TNRC18: variants seen among roughly 807,000 people sequenced by gnomAD.
TNRC18 encodes trinucleotide repeat-containing gene 18 protein.
TNRC18 carries 69 observed loss-of-function variants against 226.7 expected under a neutral mutation model. The ratio of observed to expected loss-of-function variants is 0.30; its 90% confidence interval spans 0.25 to 0.37. TNRC18 has a LOEUF of 0.37. Ranked by LOEUF, TNRC18 falls within the 10% of genes least tolerant of loss-of-function variation. TNRC18 has a pLI of 1.00. For missense variants in TNRC18, 4,754 were observed against 4,256.6 expected (o/e 1.12, Z -3.25); for synonymous variants, 2,449 against 1,927.6 (o/e 1.27, Z -7.09).
Position 5,377,738 on chromosome 7 carries a change from G to A in TNRC18, c.2256-162C>T, listed in dbSNP as rs1471575763. 2.0e-5 allele frequency among the ~76,000 whole-genome samples: 3 copies of A among 152,130 alleles called. No homozygotes were observed. The highest frequency in any genetic ancestry group is 4.4e-5 in the Non-Finnish European group (3 of 68,000). On this transcript the variant is annotated intron_variant, in intron 6 of 29. Coordinates refer to ENST00000430969, the MANE Select transcript of TNRC18 (RefSeq NM_001080495.3). This position sits in a 1 kb window ranked among gnomAD's most constrained non-coding sequence, Gnocchi z 5.8. ...CCGGGGCCTTCCACACTCACTGTAG[G>A]GGCAGTGGGGCCACCTGGCCTGGGC...
intron 11 of TNRC18, among the ~76,000 whole-genome samples, chr7:5,363,095 A>ACC (rs1793240165): frequency 2.0e-5 from 3 of 149,134 alleles, no homozygotes; most frequent in African/African-American, 7.5e-5. Context: ...GGAGTTCAAG[A>ACC]CCAGCCTAGC....
intron 2 of TNRC18, among the ~76,000 whole-genome samples, chr7:5,415,577 C>T (rs185065078): frequency 5.4e-4 from 81 of 151,252 alleles, no homozygotes; most frequent in African/African-American, 1.8e-3. Flanking sequence ...GATGCTGTTT[C>T]GCCATGTTGG....
intron 2 of TNRC18, among the ~76,000 whole-genome samples, chr7:5,412,541 A>AC (rs1352084531): frequency 6.6e-6 from 1 of 152,104 alleles, no homozygotes; most frequent in Non-Finnish European, 1.5e-5. Flanking sequence ...GCGCCACCGC[A>AC]CCCCAGCCTG....
intron 3 of TNRC18, among the ~76,000 whole-genome samples, chr7:5,391,794 T>G (rs1342821402): frequency 2.7e-5 from 4 of 147,226 alleles, no homozygotes; most frequent in African/African-American, 7.5e-5. Flanking sequence ...CCCAGGAGTT[T>G]GAGACCAGCC....
chr7:5,344,682 G>A (rs991879138), intron 18 of TNRC18, among the ~76,000 whole-genome samples: 3 of 152,164 alleles, frequency 2.0e-5, no homozygotes, highest in South Asian at 2.1e-4. Flanking sequence ...GCTCAGAAAA[G>A]GATGCCGGGG....
intron 11 of TNRC18, among the ~76,000 whole-genome samples, chr7:5,363,274 G>T (rs530445098): frequency 7.3e-5 from 11 of 151,530 alleles, no homozygotes; most frequent in Non-Finnish European, 1.2e-4. Context: ...CCGCATGCCA[G>T]CCTGAGCAAC....
intron 2 of TNRC18, among the ~76,000 whole-genome samples, chr7:5,418,593 C>T (rs1411448505): frequency 6.6e-6 from 1 of 152,196 alleles, no homozygotes. Context: ...ATGTGCCTCT[C>T]CCTAGCTGGG....
At chr7:5,381,981 A>T (rs1289462942) in intron 5 of TNRC18, among the ~76,000 whole-genome samples, 1 of 152,094 alleles carries the variant, frequency 6.6e-6, no homozygotes, top group East Asian at 1.9e-4. Context: ...TAAATTAATT[A>T]ATTAAATAAT....
chr7:5,346,487 A>T (rs1791212164), intron 17 of TNRC18, among the ~76,000 whole-genome samples: 1 of 152,010 alleles, frequency 6.6e-6, no homozygotes, highest in Non-Finnish European at 1.5e-5. Flanking sequence ...CAAGAGTGAG[A>T]CTCAGTCTCA....
chr7:5,348,643 G>A (rs1791456091), intron 17 of TNRC18, among the ~76,000 whole-genome samples: 1 of 141,226 alleles, frequency 7.1e-6, no homozygotes. Flanking sequence ...GTCCGCAGAG[G>A]AGTAGAGGGA....
chr7:5,376,289 G>C, intron 8 of TNRC18, 65 bp from the exon 9 acceptor site: 1 of 1,341,860 alleles, frequency 7.5e-7, no homozygotes, highest in South Asian at 1.5e-5. Flanking sequence ...CCCATTACGA[G>C]GGGAAGCTGA....
At chr7:5,330,052 C>G in intron 19 of TNRC18, 1 of 468,946 alleles carries the variant, frequency 2.1e-6, no homozygotes, top group Non-Finnish European at 4.4e-6. Flanking sequence ...ATCCCAAGAA[C>G]AGACACTGTT....
intron 18 of TNRC18, among the ~76,000 whole-genome samples, chr7:5,334,461 ATT>A (rs10706914): frequency 0.026 from 3,677 of 140,208 alleles, 63 homozygotes; most frequent in African/African-American, 0.05. Flanking sequence ...CACGCCTGGC[ATT>A]TTTTTTTTTT....
intron 2 of TNRC18, among the ~76,000 whole-genome samples, chr7:5,405,210 T>C (rs548947295): frequency 4.6e-5 from 7 of 152,136 alleles, no homozygotes; most frequent in East Asian, 3.9e-4. Context: ...GGAGGATCAC[T>C]TGGGCTCAGG....
intron 2 of TNRC18, among the ~76,000 whole-genome samples, chr7:5,405,246 G>A (rs1171197843): frequency 6.6e-6 from 1 of 152,082 alleles, no homozygotes; most frequent in Non-Finnish European, 1.5e-5. Context: ...TGGCCAACAA[G>A]GCAAAACCCT....
Position 5,376,403 on chromosome 7 carries a change from G to A in TNRC18, c.2609-179C>T, listed in dbSNP as rs147006763. On this transcript the variant is annotated intron_variant, in intron 8 of 29. Coordinates refer to ENST00000430969, the MANE Select transcript of TNRC18 (RefSeq NM_001080495.3). The stretch of plus-strand genomic sequence containing the variant: ...GTTTGTCCTGTCCTCCATGGGCCAC[G>A]TGTGCACCCCAGGCCCGGGGAACAC... Among the ~76,000 whole-genome samples the A allele has an allele frequency of 9.7e-3, 1,482 of 152,290 alleles. 24 individuals carry two copies. The highest frequency in any genetic ancestry group is 0.037 in the Admixed American group (564 of 15,306).
At chr7:5,339,219 C>CT (rs544268764) in intron 18 of TNRC18, among the ~76,000 whole-genome samples, 68 of 127,640 alleles carry the variant, frequency 5.3e-4, no homozygotes, top group Middle Eastern at 4.3e-3. Context: ...TTTTTTGTTT[C>CT]TTTTTTTTTC....
rs545749738 is a variant in TNRC18, at chr7:5,329,632, G to A, written c.6147+2990C>T. Among the ~76,000 whole-genome samples the A allele has an allele frequency of 1.3e-3, 171 of 129,508 alleles. 1 individual carries two copies. The highest frequency in any genetic ancestry group is 5.0e-3 in the Middle Eastern group (1 of 200). The allele number at this position is 129,508 out of a possible 152,430, so 85.0% of individuals were successfully genotyped here. On this transcript the variant is annotated intron_variant, in intron 19 of 29. Transcript: ENST00000430969. ...TGGGAGGCGGAGGTTGCAGTGAGCCGAGTTTGTGCCACTGCACTTCAGCCT... is the reference window on the plus strand; with the variant it reads ...TGGGAGGCGGAGGTTGCAGTGAGCCAAGTTTGTGCCACTGCACTTCAGCCT...
Position 5,307,584 on chromosome 7 carries a change from GC to G in TNRC18, c.*521del. ...GCCATCCTGAGAGGGTGGGGGCAGGGCCCCTGGCACAGTCAGGTAGGCCAGC... is the reference window on the plus strand; with the variant it reads ...GCCATCCTGAGAGGGTGGGGGCAGGGCCCTGGCACAGTCAGGTAGGCCAGC... On this transcript the variant is annotated 3_prime_UTR_variant, in exon 30 of 30. Coordinates refer to ENST00000430969, the MANE Select transcript of TNRC18 (RefSeq NM_001080495.3). 1 of 447,782 alleles carries G rather than the reference GC, an allele frequency of 2.2e-6. No homozygotes were observed. Among genetic ancestry groups the G allele is most frequent in the Non-Finnish European group, 4.5e-6 (1 of 223,110 alleles). The allele number at this position is 447,782 out of a possible 1,614,324, so 27.7% of individuals were successfully genotyped here.
Sources: gnomAD v4.1 joint callset for allele counts (sites outside exome capture counted in the v4.1 genomes callset) on GRCh38, gnomAD v4.1.1 for gene constraint, Gnocchi (gnomAD v3.1) non-coding constraint, MANE v1.5 for transcripts, NCBI Gene and HGNC (gene_info 2026-07-23, HGNC 2026-07-21) for gene names.